SOAT2: variants seen among roughly 807,000 people sequenced by gnomAD.
The protein encoded by SOAT2 is ACAT-2.
A neutral mutation model predicts 76.0 loss-of-function variants in SOAT2; 87 were observed. The ratio of observed to expected loss-of-function variants is 1.14; its 90% CI spans 0.96 to 1.37. The LOEUF is 1.37. Ranked by LOEUF, SOAT2 falls within the 40% of genes most tolerant of loss-of-function variation. The pLI is 0.00. For missense variants in SOAT2, 686 were observed against 682.1 expected, an observed-to-expected ratio of 1.01 and a Z score of -0.06; for synonymous variants, 285 against 275.4, an observed-to-expected ratio of 1.03 and a Z score of -0.34.
rs17123210 is a variant in SOAT2 at position 53,104,143 on chromosome 12, C to G, written c.83-8C>G. 0.077 allele frequency: 124,685 copies of G among 1,611,500 alleles called. 5,521 individuals are homozygous for G. The highest frequency in any genetic ancestry group is 0.18 in the East Asian group (7,907 of 44,800). ...CCTGTTGACTGTGCCTTTGATCCCT[C>G]CTCACAGGAAACACTGAGACGCACA... is the stretch of plus-strand genomic sequence containing the variant. On this transcript the variant is annotated splice_region_variant and splice_polypyrimidine_tract_variant and intron_variant, in intron 1 of 14. Coordinates refer to ENST00000301466, the MANE Select transcript of SOAT2 (RefSeq NM_003578.4).
intron 12 of SOAT2, among the ~76,000 whole-genome samples, chr12:53,122,747 C>T (rs1039397237): frequency 3.9e-5 from 6 of 152,312 alleles, no homozygotes; most frequent in African/African-American, 7.2e-5. Context: ...TACACAGACA[C>T]CGCAACCATC....
At chr12:53,123,245 G>A in intron 13 of SOAT2, 29 bp downstream of exon 13, 1 of 1,612,392 alleles carries the variant, frequency 6.2e-7, no homozygotes. Context: ...CACTGGAAGG[G>A]AGCCATCCAG....
At position 53,121,389 on chromosome 12, in the gene SOAT2, G is replaced by C. The variant is rs11612641; in HGVS notation, c.1224G>C (p.Gln408His). 1.2e-6 allele frequency: 2 copies of C among 1,614,044 alleles called. No homozygotes were observed. The highest frequency in any genetic ancestry group is 4.5e-5 in the East Asian group (2 of 44,882). Residue 408 changes from glutamine (Q) to histidine (H), a missense_variant, in exon 12 of 15, where the codon CAG becomes CAC. Physicochemically the swap from Gln to His is conservative, Grantham distance 24 (BLOSUM62 0). Transcript: ENST00000301466. ...VHDWLYSYVYQDGLRLLGARA... is the reference protein window; with the variant it reads ...VHDWLYSYVYHDGLRLLGARA... ...ACTGGCTGTACAGCTACGTGTATCA[G>C]GATGGGCTGCGGGTATGGGCCCTGC...
intron 5 of SOAT2, among the ~76,000 whole-genome samples, chr12:53,106,889 T>C (rs567663847): frequency 6.6e-6 from 1 of 152,286 alleles, no homozygotes; most frequent in East Asian, 1.9e-4. Flanking sequence ...GCTGGGGTGA[T>C]TACCCTTCTC....
chr12:53,105,708 A>C, intron 4 of SOAT2, 88 bp downstream of exon 4: 1 of 1,279,606 alleles, frequency 7.8e-7, no homozygotes, highest in Non-Finnish European at 1.1e-6. Context: ...CCCAGCCTCT[A>C]GGTGGTTTGT....
At position 53,115,596 on chromosome 12, in the gene SOAT2, A is replaced by C. The variant is rs1938091330; in HGVS notation, c.650A>C (p.His217Pro). 1 of 1,575,162 alleles carries C rather than the reference A, an allele frequency of 6.3e-7. No homozygotes were observed. Among genetic ancestry groups the C allele is most frequent in the Non-Finnish European group, 8.6e-7 (1 of 1,166,570 alleles). Residue 217 changes from histidine to proline, a missense_variant, in exon 6 of 15, where the codon CAC (histidine) becomes CCC (proline). Transcript: ENST00000301466. ...GTGGTGCTCTGCGCGCTGCCGGTCC[A>C]CGTGGCCGTGGAGCATCAGCTCCCG... ...HAVVLCALPVHVAVEHQLPPA... is the reference protein window; with the variant it reads ...HAVVLCALPVPVAVEHQLPPA...
In SOAT2 at chr12:53,115,522, C is replaced by G; in HGVS notation, c.576C>G (p.Thr192=). The change falls in exon 6 of 15, where the codon ACC becomes ACG. Residue 192 remains threonine (T), a synonymous_variant. Coordinates refer to ENST00000301466, the MANE Select transcript of SOAT2 (RefSeq NM_003578.4). ...CCCTACGGCTGTGGGCCAGGGGCAC[C>G]TGGACGCAGGCGACGGGCCTGGGCT... ...YQALRLWARG[T]WTQATGLGCA... The G allele has an allele frequency of 6.2e-7, 1 of 1,605,898 alleles. No individual in the cohort carries two copies. The highest frequency in any genetic ancestry group is 1.7e-5 in the Admixed American group (1 of 59,962).
intron 8 of SOAT2, 78 bp from the exon 9 acceptor site, chr12:53,118,812 G>T: frequency 1.3e-6 from 2 of 1,516,224 alleles, no homozygotes; most frequent in Non-Finnish European, 1.8e-6. Context: ...AGGAGAGAGG[G>T]CCCCAGAACC....
rs1428426696 is a variant in SOAT2 at position 53,123,723 on chromosome 12, A to G, written c.1373-5A>G. 9 of 1,614,018 alleles carry G rather than the reference A, an allele frequency of 5.6e-6. No individual in the cohort carries two copies. In the South Asian group the frequency reaches 8.8e-5, roughly 16 times the overall value. On this transcript the variant is annotated splice_region_variant and splice_polypyrimidine_tract_variant and intron_variant, in intron 13 of 14. Transcript: ENST00000301466. ...CTGGAATGACAACCTTTCCTCCTGC[A>G]CCAGGAATGTTGAACTTCATGATGC...
intron 5 of SOAT2, among the ~76,000 whole-genome samples, chr12:53,110,942 C>T (rs1938001681): frequency 2.6e-5 from 4 of 151,882 alleles, no homozygotes. Context: ...AAATTAGTTA[C>T]TCTTTAAAAA....
chr12:53,119,021 G>A (rs1938147895), intron 9 of SOAT2, 86 bp downstream of exon 9: 4 of 1,609,214 alleles, frequency 2.5e-6, no homozygotes, highest in Non-Finnish European at 3.4e-6. Context: ...GGCAGTGGGA[G>A]GGTGATGCCA....
chr12:53,104,253 G>C (rs1937890815), intron 2 of SOAT2, 47 bp downstream of exon 2: 1 of 1,372,430 alleles, frequency 7.3e-7, no homozygotes, highest in Non-Finnish European at 1.0e-6. Flanking sequence ...ATCCTTGGTA[G>C]CAGGAAGCAG....
Position 53,115,585 on chromosome 12 carries a change from G to T in SOAT2, c.639G>T (p.Ala213=). ...CCGCCCACGCCGTGGTGCTCTGCGC[G>T]CTGCCGGTCCACGTGGCCGTGGAGC... is the stretch of plus-strand genomic sequence containing the variant. The part of the protein sequence containing the change: ...LLAAHAVVLC[A]LPVHVAVEHQ... The change falls in exon 6 of 15, where the codon GCG becomes GCT. Residue 213 remains alanine (A), a synonymous_variant. Transcript: ENST00000301466. The T allele has an allele frequency of 6.3e-7, 1 of 1,579,186 alleles. No homozygotes were observed. Among genetic ancestry groups the T allele is most frequent in the Non-Finnish European group, 8.6e-7 (1 of 1,168,800 alleles).
At chr12:53,104,347 A>G (rs1937894582) in intron 2 of SOAT2, 141 bp downstream of exon 2, 1 of 594,030 alleles carries the variant, frequency 1.7e-6, no homozygotes, top group African/African-American at 2.0e-5. Flanking sequence ...GCTGGAGTGC[A>G]TTGGCACAAT....
chr12:53,116,098 T>C lies in SOAT2; in HGVS notation c.710T>C (p.Val237Ala), dbSNP rs1565627892. The C allele has an allele frequency of 6.2e-7, 1 of 1,613,998 alleles. No homozygotes were observed. ...ASRCVLVFEQVRFLMKSYSFL... is the reference protein window; with the variant it reads ...ASRCVLVFEQARFLMKSYSFL... ...TCCTCCCCTTCCATTCTGCCACAGG[T>C]TAGGTTCCTGATGAAAAGCTACTCC... The change falls in exon 7 of 15, where the codon GTT becomes GCT. Residue 237 changes from valine (V) to alanine (A), a missense_variant and splice_region_variant. By Grantham distance (64) the Val-to-Ala change is moderately conservative. Transcript: ENST00000301466.
At chr12:53,104,916 C>T (rs1481378420) in intron 2 of SOAT2, among the ~76,000 whole-genome samples, 191 bp from the exon 3 acceptor site, 1 of 152,042 alleles carries the variant, frequency 6.6e-6, no homozygotes, top group Non-Finnish European at 1.5e-5. Flanking sequence ...CCATCACCAC[C>T]CCACCAATGC....
chr12:53,105,770 G>A, intron 4 of SOAT2, 137 bp from the exon 5 acceptor site: 1 of 1,028,058 alleles, frequency 9.7e-7, no homozygotes, highest in Middle Eastern at 2.1e-4. Flanking sequence ...TTTGCCCTAG[G>A]CATGGTTGTG....
Position 53,121,304 on chromosome 12 carries a change from A to G in SOAT2, c.1139A>G (p.Asp380Gly). 3.7e-6 allele frequency: 6 copies of G among 1,613,034 alleles called. No homozygotes were observed. Among genetic ancestry groups the G allele is most frequent in the Non-Finnish European group, 5.1e-6 (6 of 1,179,000 alleles). ...CCACTCTGACCCCACCTTCTCCAGG[A>G]CTGGTGGAACTCAACGTCCTTCTCC... is the stretch of plus-strand genomic sequence containing the variant. Reference protein sequence around the residue: ...LRFGDRMFYRDWWNSTSFSNY... With the variant: ...LRFGDRMFYRGWWNSTSFSNY... Residue 380 changes from aspartate to glycine, a missense_variant and splice_region_variant, in exon 12 of 15, where the codon GAC (aspartate) becomes GGC (glycine). By Grantham distance (94) the Asp-to-Gly change is moderately conservative (BLOSUM62 -1). Coordinates refer to ENST00000301466, the MANE Select transcript of SOAT2 (RefSeq NM_003578.4).
At position 53,121,253 on chromosome 12, in the gene SOAT2, C is replaced by T. The variant is rs201929676; in HGVS notation, c.1138-50C>T. On this transcript the variant is annotated intron_variant, in intron 11 of 14. Transcript: ENST00000301466. ...GGGAGCAGTGGGGAGGAGCCGGAAC[C>T]CAGATGCTTGCTTACCTCCTTTCCC... 19 of 1,373,552 alleles carry T rather than the reference C, an allele frequency of 1.4e-5. No homozygotes were observed. In the Admixed American group the frequency reaches 2.7e-4, roughly 19 times the overall value. The allele number at this position is 1,373,552 out of a possible 1,614,324, so 85.1% of individuals were successfully genotyped here.
Sources: allele counts gnomAD v4.1 joint callset (sites outside exome capture counted in the v4.1 genomes callset), GRCh38; gene constraint gnomAD v4.1.1; transcripts MANE v1.5; gene names NCBI Gene and HGNC (gene_info 2026-07-23, HGNC 2026-07-21).